ERBB4: variants seen among roughly 807,000 people sequenced by gnomAD.
ERBB4 encodes the protein receptor tyrosine-protein kinase erbB-4.
ERBB4 carries 42 observed loss-of-function variants against 158.0 expected under a neutral mutation model. The observed-to-expected ratio is 0.27, with a 90% CI of 0.21 to 0.34. The LOEUF is 0.34. Ranked by LOEUF, ERBB4 falls within the 10% of genes least tolerant of loss-of-function variation. The probability of loss-of-function intolerance (pLI) is 1.00; values close to 1 mark genes in which losing one functional copy is unlikely to be tolerated. For synonymous variants in ERBB4, 583 were observed against 558.7 expected (o/e 1.04, Z -0.61); for missense variants, 1,333 against 1,624.1 (o/e 0.82, Z 3.08).
chr2:212,177,222 T>C (rs2125682903), intron 1 of ERBB4, among the ~76,000 whole-genome samples: 1 of 151,808 alleles, frequency 6.6e-6, no homozygotes, highest in African/African-American at 2.4e-5. Context: ...ATCTAATGGA[T>C]TGTTAATTAT....
chr2:211,853,303 T>C (rs1393170264), intron 3 of ERBB4, among the ~76,000 whole-genome samples: 1 of 152,040 alleles, frequency 6.6e-6, no homozygotes, highest in African/African-American at 2.4e-5. Context: ...GTGAGCAGTC[T>C]ATGTTGCCTT....
intron 1 of ERBB4, among the ~76,000 whole-genome samples, chr2:212,347,399 A>C (rs752121862): frequency 1.3e-5 from 2 of 152,134 alleles, no homozygotes; most frequent in Non-Finnish European, 2.9e-5. Context: ...TAATTTCAAA[A>C]AAAAGGGCAT....
chr2:212,278,529 C>A (rs527272970), intron 1 of ERBB4, among the ~76,000 whole-genome samples: 2 of 151,578 alleles, frequency 1.3e-5, no homozygotes, highest in African/African-American at 4.8e-5. Context: ...TGATTTTAGG[C>A]CACACCAGCA....
At chr2:212,285,141 G>A (rs2085912572) in intron 1 of ERBB4, among the ~76,000 whole-genome samples, 1 of 152,088 alleles carries the variant, frequency 6.6e-6, no homozygotes, top group Admixed American at 6.6e-5. Context: ...TTAGTGCCAG[G>A]TACCAGTTTT....
intron 1 of ERBB4, among the ~76,000 whole-genome samples, chr2:212,240,796 T>C (rs767433102): frequency 1.3e-5 from 2 of 152,108 alleles, no homozygotes; most frequent in African/African-American, 2.4e-5. Flanking sequence ...GTCCCTTCTT[T>C]ATCAAACCTA....
chr2:211,456,143 A>G (rs913905782), intron 20 of ERBB4, among the ~76,000 whole-genome samples: 1 of 152,192 alleles, frequency 6.6e-6, no homozygotes, highest in African/African-American at 2.4e-5. Flanking sequence ...TGTTTTATTC[A>G]AGTCTACTGT....
chr2:212,087,087 C>T (rs1161791151), intron 2 of ERBB4, among the ~76,000 whole-genome samples: 2 of 151,890 alleles, frequency 1.3e-5, no homozygotes, highest in Admixed American at 1.3e-4. Flanking sequence ...AAAAGATCAT[C>T]TGTTGATTGT....
At chr2:211,732,924 C>T (rs2074474755) in intron 5 of ERBB4, among the ~76,000 whole-genome samples, 2 of 152,296 alleles carry the variant, frequency 1.3e-5, no homozygotes, top group South Asian at 4.1e-4. Flanking sequence ...TTGCAGTGAG[C>T]CAAGATCATG....
At chr2:211,662,327 A>G (rs1410698537) in intron 15 of ERBB4, among the ~76,000 whole-genome samples, 1 of 152,110 alleles carries the variant, frequency 6.6e-6, no homozygotes, top group Non-Finnish European at 1.5e-5. Context: ...GGTTAAGTTT[A>G]CAAATCTTTA....
chr2:212,446,591 G>GTATGTATGTA (rs1303302858), intron 1 of ERBB4, among the ~76,000 whole-genome samples: 1 of 27,518 alleles, frequency 3.6e-5, no homozygotes, highest in Non-Finnish European at 5.9e-5. Context: ...ATATATATAT[G>GTATGTATGTA]TATATATATA....
chr2:211,442,949 G>A (rs1236913021), intron 20 of ERBB4, among the ~76,000 whole-genome samples: 3 of 151,896 alleles, frequency 2.0e-5, no homozygotes, highest in African/African-American at 4.8e-5. Flanking sequence ...TGTGAATGGC[G>A]TGTTCCTGTG....
intron 4 of ERBB4, among the ~76,000 whole-genome samples, chr2:211,774,330 C>G (rs1286941233): frequency 6.6e-6 from 1 of 152,074 alleles, no homozygotes; most frequent in Non-Finnish European, 1.5e-5. Context: ...CCTCGGCCTC[C>G]CAAAGTGCTG....
At chr2:211,529,499 A>G (rs1232388809) in intron 20 of ERBB4, among the ~76,000 whole-genome samples, 1 of 152,146 alleles carries the variant, frequency 6.6e-6, no homozygotes, top group African/African-American at 2.4e-5. Context: ...AATTCATTCT[A>G]TGAGGCTAGT....
At chr2:212,279,822 A>G (rs7561603) in intron 1 of ERBB4, among the ~76,000 whole-genome samples, 64,714 of 151,274 alleles carry the variant, frequency 0.43, 15,044 homozygotes, top group East Asian at 0.75. Context: ...GTTTCTAGAG[A>G]AAGTCTTTAA....
chr2:212,535,238 TTA>T (rs202190700), intron 1 of ERBB4, among the ~76,000 whole-genome samples: 75 of 150,024 alleles, frequency 5.0e-4, no homozygotes, highest in Non-Finnish European at 7.3e-4. Context: ...AAGCCCCCTT[TTA>T]TATATATATA....
chr2:211,652,726 A>C (rs991179427), intron 16 of ERBB4, among the ~76,000 whole-genome samples: 1 of 152,060 alleles, frequency 6.6e-6, no homozygotes, highest in African/African-American at 2.4e-5. Flanking sequence ...AAACTGAGTC[A>C]AATTACTTTA....
chr2:212,127,398 C>A (rs371763034), intron 1 of ERBB4, among the ~76,000 whole-genome samples: 2 of 152,170 alleles, frequency 1.3e-5, no homozygotes, highest in Non-Finnish European at 2.9e-5. Flanking sequence ...CGAGACCATC[C>A]TGGTCAACAC....
intron 1 of ERBB4, among the ~76,000 whole-genome samples, chr2:212,164,340 AT>A (rs2081286952): frequency 6.6e-6 from 1 of 152,092 alleles, no homozygotes; most frequent in Admixed American, 6.6e-5. Flanking sequence ...ACATTTTAAT[AT>A]TTTAGACATA....
At chr2:211,577,688 T>C (rs2067932614) in intron 19 of ERBB4, among the ~76,000 whole-genome samples, 1 of 152,084 alleles carries the variant, frequency 6.6e-6, no homozygotes, top group South Asian at 2.1e-4. Flanking sequence ...ATTCATCACA[T>C]AAACAGATCT....
Sources: gnomAD v4.1 joint callset for allele counts (sites outside exome capture counted in the v4.1 genomes callset) on GRCh38, gnomAD v4.1.1 for gene constraint, MANE v1.5 for transcripts, NCBI Gene and HGNC (gene_info 2026-07-23, HGNC 2026-07-21) for gene names.